Variants in PIGG observed in about 807,000 individuals in gnomAD.
PIGG encodes the protein GPI ethanolamine phosphate transferase 2, catalytic subunit.
PIGG carries 70 observed loss-of-function variants against 83.2 expected under a neutral mutation model. That is an observed-to-expected ratio of 0.84 (90% CI 0.69 to 1.03). PIGG has a LOEUF of 1.03. Ranked by LOEUF, PIGG falls within the 50% of genes least tolerant of loss-of-function variation. The pLI, the probability that PIGG is intolerant of heterozygous loss-of-function variation, is 0.00. For synonymous variants in PIGG, 532 were observed against 519.5 expected, an observed-to-expected ratio of 1.02 and a Z score of -0.33; for missense variants, 1,257 against 1,233.6, an observed-to-expected ratio of 1.02 and a Z score of -0.28.
At chr4:518,588 A>G (rs28374581) in intron 6 of PIGG, among the ~76,000 whole-genome samples, 15,649 of 152,212 alleles carry the variant, frequency 0.1, 1,596 homozygotes, top group African/African-American at 0.27. Context: ...GCGAGACTCC[A>G]TCTCAAAAAA....
At chr4:508,140 A>G (rs1486600237) in intron 4 of PIGG, among the ~76,000 whole-genome samples, 1 of 152,254 alleles carries the variant, frequency 6.6e-6, no homozygotes, top group Non-Finnish European at 1.5e-5. Context: ...AGAGATGAGA[A>G]AGATGAGTAA....
Position 499,395 on chromosome 4 carries a change from C to T in PIGG, c.60C>T (p.Ile20=), listed in dbSNP as rs1472549633. ...GCGTAGCGATCGAGGTGCTAGGGAT[C>T]GCGGTCTTCCTTCGGGGATTCTTCC... ...TCCVAIEVLG[I]AVFLRGFFPA... The change falls in exon 1 of 13, where the codon ATC becomes ATT. Residue 20 remains isoleucine (I), a synonymous_variant. Coordinates refer to ENST00000453061, the MANE Select transcript of PIGG (RefSeq NM_001127178.3). The T allele has an allele frequency of 5.0e-6, 8 of 1,609,832 alleles. No individual in the cohort carries two copies. Among genetic ancestry groups the T allele is most frequent in the Non-Finnish European group, 6.8e-6 (8 of 1,179,914 alleles).
chr4:521,778 C>A lies in PIGG; in HGVS notation c.1451C>A (p.Ser484Ter), dbSNP rs140156216. The stretch of plus-strand genomic sequence containing the variant: ...TTTTATTTGGTGATCCTGGTTCTTT[C>A]GGCCGTTCACGTCATTGTGTGCACC... ...LLFYLVILVL[S>*]AVHVIVCTSA... Residue 484 changes from serine (S) to a stop codon, truncating the protein, a stop_gained, in exon 8 of 13, where the codon TCG (serine) becomes TAG (stop). Transcript: ENST00000453061. LOFTEE classifies it high-confidence loss of function. The A allele has an allele frequency of 6.2e-7, 1 of 1,614,200 alleles. No individual in the cohort carries two copies. The highest frequency in any genetic ancestry group is 1.1e-5 in the South Asian group (1 of 91,080).
chr4:513,171 A>G (rs969544438), intron 5 of PIGG, among the ~76,000 whole-genome samples: 1 of 152,152 alleles, frequency 6.6e-6, no homozygotes, highest in Non-Finnish European at 1.5e-5. Flanking sequence ...ATTTCCAGAG[A>G]CTGTGAATGG....
chr4:512,720 C>T (rs905916191), intron 5 of PIGG, among the ~76,000 whole-genome samples: 1 of 151,922 alleles, frequency 6.6e-6, no homozygotes, highest in Admixed American at 6.5e-5. Context: ...GACGCTGAGG[C>T]AGGAGAATCA....
In PIGG at chr4:499,383, G is replaced by A; in HGVS notation, c.48G>A (p.Glu16=). Residue 16 remains glutamate, a synonymous_variant, in exon 1 of 13, where the codon GAG becomes GAA. Transcript: ENST00000453061. ...TCGCTACCTGTTGCGTAGCGATCGA[G>A]GTGCTAGGGATCGCGGTCTTCCTTC... ...GTFATCCVAI[E]VLGIAVFLRG... 1.9e-6 allele frequency: 3 copies of A among 1,610,254 alleles called. No homozygotes were observed. Among genetic ancestry groups the A allele is most frequent in the Non-Finnish European group, 2.5e-6 (3 of 1,179,932 alleles).
intron 6 of PIGG, among the ~76,000 whole-genome samples, chr4:519,001 T>C (rs1724885665): frequency 6.6e-6 from 1 of 152,182 alleles, no homozygotes; most frequent in South Asian, 2.1e-4. Flanking sequence ...ATCAGCTTGA[T>C]GCTCTTCCTG....
intron 2 of PIGG, among the ~76,000 whole-genome samples, chr4:502,536 T>C (rs1553876460): frequency 6.6e-6 from 1 of 152,242 alleles, no homozygotes; most frequent in Non-Finnish European, 1.5e-5. Flanking sequence ...GCTAAGACCC[T>C]GCAGCAGCTT....
intron 3 of PIGG, 41 bp downstream of exon 3, chr4:505,968 C>G: frequency 1.5e-6 from 2 of 1,296,410 alleles, no homozygotes; most frequent in Non-Finnish European, 1.1e-6. Context: ...ACTAGAATAT[C>G]ATACTAGATA....
At chr4:517,201 C>T (rs1032087408) in intron 6 of PIGG, among the ~76,000 whole-genome samples, 5 of 152,106 alleles carry the variant, frequency 3.3e-5, no homozygotes, top group African/African-American at 9.7e-5. Context: ...CAGGCGCCCT[C>T]GTGGAGGATT....
intron 8 of PIGG, 109 bp from the exon 9 acceptor site, chr4:523,350 C>T: frequency 1.2e-6 from 1 of 814,872 alleles, no homozygotes; most frequent in Non-Finnish European, 2.0e-6. Flanking sequence ...GTGTGAGGAA[C>T]AATGGTGTGT....
At chr4:500,196 G>T (rs1717114731) in intron 1 of PIGG, 200 bp from the exon 2 acceptor site, 1 of 594,520 alleles carries the variant, frequency 1.7e-6, no homozygotes, top group African/African-American at 1.9e-5. Context: ...GCTACTGTGG[G>T]TCCCTAAGAT....
intron 12 of PIGG, 77 bp downstream of exon 12, chr4:534,058 G>A: frequency 7.7e-7 from 1 of 1,298,788 alleles, no homozygotes; most frequent in Non-Finnish European, 1.1e-6. Flanking sequence ...TGTTCCAGAT[G>A]CAAGGGGGTC....
At chr4:512,618 C>T (rs1043400729) in intron 5 of PIGG, among the ~76,000 whole-genome samples, 5 of 151,804 alleles carry the variant, frequency 3.3e-5, no homozygotes, top group Admixed American at 1.3e-4. Context: ...AGTTCGAGAC[C>T]AGCCTGACCA....
chr4:517,197 C>T (rs1307924185), intron 6 of PIGG, among the ~76,000 whole-genome samples: 1 of 152,168 alleles, frequency 6.6e-6, no homozygotes, highest in African/African-American at 2.4e-5. Flanking sequence ...GTCTCAGGCG[C>T]CCTCGTGGAG....
rs764023905 is a variant in PIGG, at chr4:533,862, C to T, written c.2616C>T (p.Phe872=). The change falls in exon 12 of 13, where the codon TTC becomes TTT. Residue 872 remains phenylalanine, a synonymous_variant. Coordinates refer to ENST00000453061, the MANE Select transcript of PIGG (RefSeq NM_001127178.3). ...CCACCGTGGACATCTCCGCAGGCTT[C>T]GTGGGCTTAGACACCTACGTGGAAA... ...NIATVDISAG[F]VGLDTYVEIP... The T allele has an allele frequency of 2.8e-5, 46 of 1,614,090 alleles. No homozygotes were observed. Among genetic ancestry groups the T allele is most frequent in the East Asian group, 2.5e-4 (11 of 44,890 alleles).
chr4:502,423 C>A lies in PIGG; in HGVS notation c.360+1822C>A, dbSNP rs1718080900. On this transcript the variant is annotated intron_variant, in intron 2 of 12. Transcript: ENST00000453061. ...GGGCAGTGTTGGTTGAGGAAAGTGT[C>A]CCCTGCCCTGCCTCCAGTCTGAGAA... The A allele has an allele frequency of 2.0e-5, 3 of 152,212 alleles. No homozygotes were observed. In the South Asian group the frequency reaches 6.2e-4, roughly 32 times the overall value. The allele number at this position is 152,212 out of a possible 1,614,324, so 9.4% of individuals were successfully genotyped here. A position where few individuals can be genotyped will look rare whatever the true frequency, so the allele number is the denominator to read the frequency against.
Position 505,930 on chromosome 4 carries a change from C to A in PIGG, c.570+3C>A, listed in dbSNP as rs782485164. Reference sequence around the variant, plus strand: ...TTTTCGTGTCAGATTACACAGAGGTCAGTTTTTAAAATAAGAAAATATATC... The same window carrying A: ...TTTTCGTGTCAGATTACACAGAGGTAAGTTTTTAAAATAAGAAAATATATC... On this transcript the variant is annotated splice_donor_region_variant and intron_variant, in intron 3 of 12. Transcript: ENST00000453061. 9 of 1,598,988 alleles carry A rather than the reference C, an allele frequency of 5.6e-6. No individual in the cohort carries two copies. Among genetic ancestry groups the A allele is most frequent in the Non-Finnish European group, 6.8e-6 (8 of 1,168,232 alleles).
Position 530,693 on chromosome 4 carries a change from C to G in PIGG, c.2519C>G (p.Ala840Gly). 6.2e-7 allele frequency: 1 copy of G among 1,613,772 alleles called. No homozygotes were observed. The highest frequency in any genetic ancestry group is 8.5e-7 in the Non-Finnish European group (1 of 1,179,698). ...FIWKPLRHDA[A>G]EITVMHYWFG... is the part of the protein sequence containing the mutation. ...TGGAAGCCCCTGAGACACGATGCAG[C>G]TGAGATTACTGTGATGCATTATTGG... Residue 840 changes from alanine (A) to glycine (G), a missense_variant, in exon 11 of 13, where the codon GCT becomes GGT. Transcript: ENST00000453061.
Sources: allele counts gnomAD v4.1 joint callset (sites outside exome capture counted in the v4.1 genomes callset), GRCh38; gene constraint gnomAD v4.1.1; transcripts MANE v1.5; gene names NCBI Gene and HGNC (gene_info 2026-07-23, HGNC 2026-07-21).